NRCAM: variants seen among roughly 807,000 people sequenced by gnomAD.
NRCAM encodes the protein neuronal cell adhesion molecule.
A neutral mutation model predicts 156.5 loss-of-function variants in NRCAM; 83 were observed. The observed-to-expected ratio is 0.53, with a 90% CI of 0.44 to 0.64. The LOEUF (loss-of-function observed/expected upper bound fraction) is 0.64, where lower values mean the gene tolerates loss of function less well. Ranked by LOEUF, NRCAM falls within the 30% of genes least tolerant of loss-of-function variation. The pLI, the probability that NRCAM is intolerant of heterozygous loss-of-function variation, is 0.00. For missense variants in NRCAM, 1,417 were observed against 1,597.3 expected (o/e 0.89, Z 1.92); for synonymous variants, 538 against 563.9 (o/e 0.95, Z 0.65).
intron 27 of NRCAM, 57 bp from the exon 28 acceptor site, chr7:108,175,414 G>C: frequency 7.3e-7 from 1 of 1,374,238 alleles, no homozygotes; most frequent in East Asian, 2.5e-5. Context: ...ACACACCCAT[G>C]AGCATGTATA....
At chr7:108,229,465 G>A (rs2093995427) in intron 8 of NRCAM, among the ~76,000 whole-genome samples, 1 of 151,978 alleles carries the variant, frequency 6.6e-6, no homozygotes, top group Non-Finnish European at 1.5e-5. Context: ...CCTTGTCCCT[G>A]GGGACACCAC....
intron 1 of NRCAM, among the ~76,000 whole-genome samples, chr7:108,432,551 A>G (rs1826641509): frequency 6.6e-6 from 1 of 152,236 alleles, no homozygotes; most frequent in African/African-American, 2.4e-5. Context: ...TGCACACTGA[A>G]GAGGAAATCG....
At position 108,335,434 on chromosome 7, in the gene NRCAM, C is replaced by CTTTTTTTTTTTTTT. The variant is rs58975301; in HGVS notation, c.-173-22717_-173-22704dup. ...ATGTCCTGTGGATCTGTTCCACCTG[C>CTTTTTTTTTTTTTT]TTTTTTTTTTTTTTTTTTTTTTTTT... On this transcript the variant is annotated intron_variant, in intron 2 of 32. Coordinates refer to ENST00000379028, the MANE Select transcript of NRCAM (RefSeq NM_001037132.4). Among the ~76,000 whole-genome samples, 71 of 69,876 alleles carry CTTTTTTTTTTTTTT rather than the reference C, an allele frequency of 1.0e-3. 6 individuals are homozygous for CTTTTTTTTTTTTTT. Among genetic ancestry groups the CTTTTTTTTTTTTTT allele is most frequent in the Admixed American group, 2.4e-3 (11 of 4,610 alleles). 45.8% of individuals were successfully genotyped at this position (69,876 alleles called of 152,430 possible). A position where few individuals can be genotyped will look rare whatever the true frequency, so the allele number is the denominator to read the frequency against.
rs574700557 is a variant in NRCAM at position 108,303,143 on chromosome 7, G to A, written c.-107+9522C>T. On this transcript the variant is annotated intron_variant, in intron 3 of 32. Transcript: ENST00000379028. The stretch of plus-strand genomic sequence containing the variant: ...CGCCCAGGTAATTTTTATATTTTTA[G>A]TAGAGATGGGGTTTCACCATGTTGG... Among the ~76,000 whole-genome samples the A allele has an allele frequency of 5.3e-5, 8 of 152,110 alleles. No individual in the cohort carries two copies. The South Asian group carries it at 1.5e-3, about 28-fold the overall frequency.
At chr7:108,211,294 G>C (rs114668247) in intron 11 of NRCAM, among the ~76,000 whole-genome samples, 6,231 of 152,178 alleles carry the variant, frequency 0.041, 395 homozygotes, top group African/African-American at 0.14. Flanking sequence ...TCCTTCAGGA[G>C]GGCAGCCAGA....
chr7:108,375,261 T>A (rs1186173312), intron 2 of NRCAM, among the ~76,000 whole-genome samples: 2 of 152,120 alleles, frequency 1.3e-5, no homozygotes, highest in African/African-American at 4.8e-5. Context: ...ATGTGTTCAG[T>A]ATTTGAATAC....
chr7:108,189,561 G>A (rs1204487707), intron 20 of NRCAM, 84 bp downstream of exon 20: 6 of 713,744 alleles, frequency 8.4e-6, no homozygotes, highest in African/African-American at 1.8e-5. Context: ...AAATACCTTT[G>A]TGAGGAAATT....
chr7:108,150,245 G>T (rs2040478195), intron 32 of NRCAM, 98 bp from the exon 33 acceptor site: 13 of 987,778 alleles, frequency 1.3e-5, no homozygotes, highest in Admixed American at 2.3e-5. Flanking sequence ...AGCATTTGGA[G>T]TCCTGGGCTT....
At chr7:108,171,409 C>A (rs1479896646) in intron 28 of NRCAM, among the ~76,000 whole-genome samples, 2 of 152,190 alleles carry the variant, frequency 1.3e-5, no homozygotes, top group East Asian at 3.8e-4. Context: ...ATCTCAGGGT[C>A]TTCTCTTTTC....
At chr7:108,185,556 G>A (rs946000051) in intron 20 of NRCAM, among the ~76,000 whole-genome samples, 2 of 151,902 alleles carry the variant, frequency 1.3e-5, no homozygotes, top group African/African-American at 2.4e-5. Context: ...GCAAAACCCC[G>A]TCTCTACAGA....
rs898717806 is a variant in NRCAM, at chr7:108,314,810, C to T, written c.-173-2079G>A. On this transcript the variant is annotated intron_variant, in intron 2 of 32. Transcript: ENST00000379028. ...CAATGCAACTGAAAATCTGCTATTA[C>T]AAGCAGTATTAGGTAAAAAGTATCA... Among the ~76,000 whole-genome samples the T allele has an allele frequency of 3.9e-5, 6 of 152,102 alleles. No individual in the cohort carries two copies. The East Asian group carries it at 5.8e-4, about 15-fold the overall frequency.
intron 4 of NRCAM, 57 bp downstream of exon 4, chr7:108,239,902 T>C: frequency 9.5e-7 from 1 of 1,056,552 alleles, no homozygotes; most frequent in African/African-American, 1.6e-5. Context: ...AGAGTGATGA[T>C]AAATGCTGGG....
intron 3 of NRCAM, among the ~76,000 whole-genome samples, chr7:108,258,273 T>C (rs2096760107): frequency 1.3e-5 from 2 of 152,204 alleles, no homozygotes; most frequent in African/African-American, 4.8e-5. Context: ...GCCTTGCGTG[T>C]GGTGCTTTCT....
At chr7:108,358,746 T>C (rs1443166748) in intron 2 of NRCAM, among the ~76,000 whole-genome samples, 1 of 152,186 alleles carries the variant, frequency 6.6e-6, no homozygotes, top group African/African-American at 2.4e-5. Flanking sequence ...TTGTTTACCC[T>C]ATTAGCAAAA....
chr7:108,186,769 C>A (rs1228561902), intron 20 of NRCAM, among the ~76,000 whole-genome samples: 1 of 152,128 alleles, frequency 6.6e-6, no homozygotes, highest in Non-Finnish European at 1.5e-5. Context: ...CTATTTATAT[C>A]TTAACATTGT....
intron 2 of NRCAM, among the ~76,000 whole-genome samples, chr7:108,381,985 CAACAATCAATA>C (rs1391400575): frequency 6.6e-6 from 1 of 152,136 alleles, no homozygotes; most frequent in African/African-American, 2.4e-5. Context: ...GACTGTTATG[CAACAATCAATA>C]AATAGACTTC....
chr7:108,399,867 G>A (rs1009706765), intron 1 of NRCAM, among the ~76,000 whole-genome samples: 7 of 152,086 alleles, frequency 4.6e-5, no homozygotes, highest in African/African-American at 1.7e-4. Context: ...CCCCTAAATA[G>A]CAGGAAACAA....
intron 2 of NRCAM, among the ~76,000 whole-genome samples, chr7:108,318,433 C>T (rs2098958131): frequency 6.6e-6 from 1 of 152,056 alleles, no homozygotes; most frequent in Non-Finnish European, 1.5e-5. Flanking sequence ...GAAATAATGT[C>T]TCTAGGATAA....
At position 108,386,963 on chromosome 7, in the gene NRCAM, AGT is replaced by A. The variant is rs556350840; in HGVS notation, c.-174+12471_-174+12472del. On this transcript the variant is annotated intron_variant, in intron 2 of 32. Transcript: ENST00000379028. Reference sequence around the variant, plus strand: ...AGTTTATATTTTACAAGCCTCTTCCAGTGTTTTATTGTCAAAAGCAGAGGAGT... The same window carrying A: ...AGTTTATATTTTACAAGCCTCTTCCAGTTTTATTGTCAAAAGCAGAGGAGT... 3.1e-3 allele frequency among the ~76,000 whole-genome samples: 475 copies of A among 152,230 alleles called. 5 individuals are homozygous for A. The highest frequency in any genetic ancestry group is 0.01 in the Middle Eastern group (3 of 294).
Sources: gnomAD v4.1 joint callset for allele counts (sites outside exome capture counted in the v4.1 genomes callset) on GRCh38, gnomAD v4.1.1 for gene constraint, MANE v1.5 for transcripts, NCBI Gene and HGNC (gene_info 2026-07-23, HGNC 2026-07-21) for gene names.